GLIS3: variants seen among roughly 807,000 people sequenced by gnomAD.
The protein encoded by GLIS3 is GLIS family zinc finger 3.
A neutral mutation model predicts 78.6 loss-of-function variants in GLIS3; 53 were observed. That is an observed-to-expected ratio of 0.67 (90% confidence interval 0.54 to 0.85). The LOEUF is 0.85. Among genes scored for constraint, GLIS3 ranks in the 40% least tolerant of loss-of-function variants. The probability of loss-of-function intolerance (pLI) is 0.00; values close to 1 mark genes in which losing one functional copy is unlikely to be tolerated. For missense variants in GLIS3, 1,703 were observed against 1,231.1 expected (o/e 1.38, Z -5.74); for synonymous variants, 684 against 509.9 (o/e 1.34, Z -4.60).
chr9:4,404,918 CAACAA>C, the GLIS3 span, among the ~76,000 whole-genome samples: 1 of 151,464 alleles, frequency 6.6e-6, no homozygotes, highest in Admixed American at 6.6e-5. Context: ...TACAAAAGAC[CAACAA>C]AACAAAAAGT....
At chr9:4,126,046 T>C (rs1307923314) in intron 2 of GLIS3, 105 bp from the exon 3 acceptor site, 1 of 861,102 alleles carries the variant, frequency 1.2e-6, no homozygotes, top group Non-Finnish European at 1.9e-6. Context: ...GAGACAGTCC[T>C]CAGATCATTT....
At chr9:4,073,218 A>G (rs891321149) in intron 4 of GLIS3, among the ~76,000 whole-genome samples, 3 of 152,176 alleles carry the variant, frequency 2.0e-5, no homozygotes, top group Non-Finnish European at 2.9e-5. Flanking sequence ...TACAAGCATG[A>G]TCGCTACAGC....
At chr9:3,880,283 C>A (rs1052560941) in intron 7 of GLIS3, among the ~76,000 whole-genome samples, 1 of 152,192 alleles carries the variant, frequency 6.6e-6, no homozygotes, top group Admixed American at 6.5e-5. Flanking sequence ...GAGTTACAGT[C>A]CCATTCGTAT....
chr9:4,434,280 T>C, the GLIS3 span, among the ~76,000 whole-genome samples: 1 of 152,162 alleles, frequency 6.6e-6, no homozygotes, highest in Admixed American at 6.5e-5. Flanking sequence ...CTACTGGTGT[T>C]AGTGGTAGTA....
chr9:4,294,674 C>A (rs4474077), intron 1 of GLIS3, among the ~76,000 whole-genome samples: 1 of 152,150 alleles, frequency 6.6e-6, no homozygotes, highest in South Asian at 2.1e-4. Flanking sequence ...CTGTGTTTCA[C>A]TTTCCTGTCT....
At chr9:4,412,332 A>G in the GLIS3 span, among the ~76,000 whole-genome samples, 2 of 152,224 alleles carry the variant, frequency 1.3e-5, no homozygotes, top group Non-Finnish European at 2.9e-5. Context: ...GTGGACTAAA[A>G]GTTACCTTAG....
chr9:3,881,662 C>A (rs1020151191), intron 7 of GLIS3, among the ~76,000 whole-genome samples: 4 of 152,198 alleles, frequency 2.6e-5, no homozygotes, highest in African/African-American at 9.7e-5. Context: ...CCATCATCCA[C>A]CTGCCCCATC....
chr9:3,848,359 G>A (rs1819193797), intron 9 of GLIS3, among the ~76,000 whole-genome samples: 2 of 152,162 alleles, frequency 1.3e-5, no homozygotes, highest in South Asian at 4.2e-4. Context: ...AAAATTAGCT[G>A]GGCGTGGTGG....
At chr9:3,874,576 C>T (rs1334033406) in intron 8 of GLIS3, among the ~76,000 whole-genome samples, 2 of 152,148 alleles carry the variant, frequency 1.3e-5, no homozygotes, top group African/African-American at 2.4e-5. Context: ...TTGCAACTGG[C>T]ATCAGAAGTG....
rs1819775263 is a variant in GLIS3, at chr9:3,856,153, T to C, written c.2329A>G (p.Ile777Val). Reference protein sequence around the residue: ...FAPSAPSPHHISPRRVPAPSS... With the variant: ...FAPSAPSPHHVSPRRVPAPSS... The stretch of plus-strand genomic sequence containing the variant: ...GGAGCTGGAACTCTCCGGGGGCTGA[T>C]GTGGTGAGGAGATGGAGCAGAAGGT... Residue 777 changes from isoleucine to valine, a missense_variant, in exon 9 of 11, where the codon ATC becomes GTC. Physicochemically the swap from Ile to Val is conservative, Grantham distance 29. Coordinates refer to ENST00000381971, the MANE Select transcript of GLIS3 (RefSeq NM_001042413.2). 2 of 1,613,952 alleles carry C rather than the reference T, an allele frequency of 1.2e-6. No homozygotes were observed. The highest frequency in any genetic ancestry group is 3.3e-5 in the Admixed American group (2 of 60,002).
chr9:4,481,941 T>A, the GLIS3 span, among the ~76,000 whole-genome samples: 7 of 152,240 alleles, frequency 4.6e-5, no homozygotes, highest in Admixed American at 3.9e-4. Context: ...AGTATAAATT[T>A]TGCAATTGTA....
chr9:4,035,089 C>G (rs537662941), intron 4 of GLIS3: 2 of 152,302 alleles, frequency 1.3e-5, no homozygotes, highest in South Asian at 4.1e-4. Context: ...AGCAGCAACA[C>G]TAGTCTAAAA....
chr9:4,296,227 G>C (rs1484482294), intron 1 of GLIS3, among the ~76,000 whole-genome samples: 1 of 146,502 alleles, frequency 6.8e-6, no homozygotes, highest in Non-Finnish European at 1.5e-5. Flanking sequence ...TAATATGAGA[G>C]AGACAACAGT....
intron 2 of GLIS3, among the ~76,000 whole-genome samples, chr9:4,242,424 A>C (rs945786860): frequency 3.3e-5 from 5 of 152,144 alleles, no homozygotes; most frequent in Non-Finnish European, 7.3e-5. Flanking sequence ...GCTCTATAGG[A>C]ATCCAGCTGC....
intron 2 of GLIS3, among the ~76,000 whole-genome samples, chr9:4,267,150 C>T (rs1826090484): frequency 6.6e-6 from 1 of 152,138 alleles, no homozygotes; most frequent in African/African-American, 2.4e-5. Flanking sequence ...CCCACACACA[C>T]CCATGTCCCC....
At chr9:4,489,757 G>A in the GLIS3 span, among the ~76,000 whole-genome samples, 106 of 152,282 alleles carry the variant, frequency 7.0e-4, no homozygotes, top group Non-Finnish European at 1.0e-3. Flanking sequence ...ATGCTCCAGG[G>A]CCTGTGGTCA....
chr9:4,249,186 G>C (rs1397834133), intron 2 of GLIS3, among the ~76,000 whole-genome samples: 1 of 152,176 alleles, frequency 6.6e-6, no homozygotes, highest in South Asian at 2.1e-4. Flanking sequence ...GATGGGGATA[G>C]CATTGAATCT....
chr9:4,284,098 G>A (rs1219631008), intron 2 of GLIS3, among the ~76,000 whole-genome samples: 6 of 152,160 alleles, frequency 3.9e-5, no homozygotes, highest in South Asian at 2.1e-4. Flanking sequence ...ACTGCTGACC[G>A]CCATCAAAGT....
At chr9:4,248,060 C>A (rs1463069331) in intron 2 of GLIS3, among the ~76,000 whole-genome samples, 1 of 152,134 alleles carries the variant, frequency 6.6e-6, no homozygotes, top group Non-Finnish European at 1.5e-5. Flanking sequence ...TACCCACTGT[C>A]TCTGAGAACC....
Sources: allele counts gnomAD v4.1 joint callset (sites outside exome capture counted in the v4.1 genomes callset), GRCh38; gene constraint gnomAD v4.1.1; transcripts MANE v1.5; gene names NCBI Gene and HGNC (gene_info 2026-07-23, HGNC 2026-07-21).